The following THRB variants were observed in gnomAD, a reference collection of about 807,000 sequenced individuals.
The protein encoded by THRB is nuclear receptor subfamily 1 group A member 2.
Under a neutral mutation model 47.8 loss-of-function variants are expected in THRB, and 12 were observed. The ratio of observed to expected loss-of-function variants is 0.25; its 90% CI spans 0.16 to 0.41. The LOEUF (loss-of-function observed/expected upper bound fraction) is 0.41, where lower values mean the gene tolerates loss of function less well. Among genes scored for constraint, THRB ranks in the 10% least tolerant of loss-of-function variants. The pLI, the probability that THRB is intolerant of heterozygous loss-of-function variation, is 1.00. For synonymous variants in THRB, 218 were observed against 212.2 expected (o/e 1.03, Z -0.24); for missense variants, 348 against 589.2 (o/e 0.59, Z 4.24).
intron 8 of THRB, among the ~76,000 whole-genome samples, chr3:24,134,197 C>T (rs1421954697): frequency 3.3e-5 from 5 of 152,172 alleles, no homozygotes; most frequent in African/African-American, 9.7e-5. Flanking sequence ...TCTTCTCAGG[C>T]CCCTCTCCAG....
chr3:24,459,044 C>T (rs748787129), intron 1 of THRB: 3 of 152,066 alleles, frequency 2.0e-5, no homozygotes, highest in South Asian at 2.1e-4. Context: ...ATGCCATGGT[C>T]GTTTGCTGCA....
At chr3:24,385,211 G>C (rs148836337) in intron 1 of THRB, among the ~76,000 whole-genome samples, 1 of 152,172 alleles carries the variant, frequency 6.6e-6, no homozygotes, top group African/African-American at 2.4e-5. Context: ...GCAGGAGAAT[G>C]AGAATGTCAT....
At chr3:24,472,540 C>G (rs1177634487) in intron 1 of THRB, among the ~76,000 whole-genome samples, 1 of 151,918 alleles carries the variant, frequency 6.6e-6, no homozygotes, top group Non-Finnish European at 1.5e-5. Flanking sequence ...TCCTCCTACT[C>G]TCTCTGCCAA....
At chr3:24,426,284 G>T (rs1241475534) in intron 1 of THRB, among the ~76,000 whole-genome samples, 2 of 151,810 alleles carry the variant, frequency 1.3e-5, no homozygotes, top group African/African-American at 4.8e-5. Context: ...CCTCACAAAT[G>T]TCACTGGTAG....
At chr3:24,166,709 A>G (rs2039688690) in intron 5 of THRB, among the ~76,000 whole-genome samples, 1 of 152,142 alleles carries the variant, frequency 6.6e-6, no homozygotes, top group Non-Finnish European at 1.5e-5. Flanking sequence ...GCTTGTTTTC[A>G]GGGCTCGGCC....
intron 3 of THRB, among the ~76,000 whole-genome samples, chr3:24,260,478 A>T (rs146789436): frequency 1.3e-5 from 2 of 152,344 alleles, no homozygotes; most frequent in East Asian, 1.9e-4. Context: ...TTGCCTGTAA[A>T]GCTCCTGTTT....
At chr3:24,481,343 T>C (rs1696387998) in intron 1 of THRB, among the ~76,000 whole-genome samples, 1 of 150,800 alleles carries the variant, frequency 6.6e-6, no homozygotes, top group Non-Finnish European at 1.5e-5. Context: ...TGTAAGTGTA[T>C]ATTCTGGTTC....
chr3:24,223,038 A>G (rs1340301539), intron 4 of THRB, among the ~76,000 whole-genome samples: 1 of 152,184 alleles, frequency 6.6e-6, no homozygotes, highest in Non-Finnish European at 1.5e-5. Flanking sequence ...TGGGAAGCGG[A>G]GCCGAGGGTC....
chr3:24,448,255 C>T (rs1309318637), intron 1 of THRB, among the ~76,000 whole-genome samples: 3 of 151,954 alleles, frequency 2.0e-5, no homozygotes, highest in African/African-American at 4.8e-5. Context: ...AAAAAAGACT[C>T]GCATATATGA....
Position 24,127,742 on chromosome 3 carries a change from G to C in THRB, c.901C>G (p.Gln301Glu), listed in dbSNP as rs545421904. 1 of 1,614,198 alleles carries C rather than the reference G, an allele frequency of 6.2e-7. No individual in the cohort carries two copies. Among genetic ancestry groups the C allele is most frequent in the South Asian group, 1.1e-5 (1 of 91,078 alleles). Residue 301 changes from glutamine (Q) to glutamate (E), a missense_variant, in exon 10 of 11, where the codon CAG (glutamine) becomes GAG (glutamate). Around this residue, in one of 5 missense-constraint regions of THRB, gnomAD observed 45 missense variants for 156.2 expected, o/e 0.29. Coordinates refer to ENST00000646209, the MANE Select transcript of THRB (RefSeq NM_001354712.2). ...CAGCAGCCTTTGAGGAGGATGATCTGGTCTTCACATGGCAGCTGAAAAGAA... is the reference window on the plus strand; with the variant it reads ...CAGCAGCCTTTGAGGAGGATGATCTCGTCTTCACATGGCAGCTGAAAAGAA... ...PMFCELPCED[Q>E]IILLKGCCME...
In THRB at chr3:24,133,349, C is replaced by T. The variant is rs753499764; in HGVS notation, c.852G>A (p.Val284=). The change falls in exon 9 of 11, where the codon GTG becomes GTA. Residue 284 remains valine, a synonymous_variant. Transcript: ENST00000646209. The stretch of plus-strand genomic sequence containing the variant: ...ACATAGGCAACTTTTTGGCAAAATC[C>T]ACCACTCTGGTAATTGCTGGTGTGA... The part of the protein sequence containing the change: ...KIITPAITRV[V]DFAKKLPMFC... 3 of 1,613,978 alleles carry T rather than the reference C, an allele frequency of 1.9e-6. No individual in the cohort carries two copies. The highest frequency in any genetic ancestry group is 1.7e-5 in the Admixed American group (1 of 60,012).
At chr3:24,312,095 G>A (rs2057795835) in intron 2 of THRB, among the ~76,000 whole-genome samples, 1 of 152,158 alleles carries the variant, frequency 6.6e-6, no homozygotes, top group Admixed American at 6.5e-5. Context: ...AAGAAAACTT[G>A]AATGCTTGCC....
At chr3:24,348,721 T>C (rs977258998) in intron 1 of THRB, 2 of 152,132 alleles carry the variant, frequency 1.3e-5, no homozygotes, top group Admixed American at 1.3e-4. Flanking sequence ...CTCTCCAATT[T>C]ACAACACACT....
chr3:24,206,695 A>G (rs1221671549), intron 4 of THRB, among the ~76,000 whole-genome samples: 1 of 152,234 alleles, frequency 6.6e-6, no homozygotes, highest in Non-Finnish European at 1.5e-5. Context: ...ACCCTTCAAA[A>G]AATCAATGAA....
At chr3:24,167,609 A>G (rs1219026297) in intron 5 of THRB, among the ~76,000 whole-genome samples, 8 of 152,162 alleles carry the variant, frequency 5.3e-5, no homozygotes, top group African/African-American at 1.9e-4. Flanking sequence ...ACCTTTCAAT[A>G]AAGCAGTTTT....
At position 24,155,932 on chromosome 3, in the gene THRB, T is replaced by C. The variant is rs533029869; in HGVS notation, c.284-3442A>G. Reference sequence around the variant, plus strand: ...GAAAAAATTAAGGTCCATGACAATATATGATAGTTCAAAAATGATATATTT... The same window carrying C: ...GAAAAAATTAAGGTCCATGACAATACATGATAGTTCAAAAATGATATATTT... On this transcript the variant is annotated intron_variant, in intron 5 of 10. Transcript: ENST00000646209. 2.6e-5 allele frequency among the ~76,000 whole-genome samples: 4 copies of C among 152,324 alleles called. No homozygotes were observed. In the East Asian group the frequency reaches 7.7e-4, roughly 29 times the overall value.
In THRB at chr3:24,218,340, C is replaced by CTT. The variant is rs545127528; in HGVS notation, c.22+10597_22+10598insAA. ...AAATTTTTTGTCTCTCTCTCTCTCT[C>CTT]TCTTTTTTTTTTTTTTTTTTTTAAA... On this transcript the variant is annotated intron_variant, in intron 4 of 10. Transcript: ENST00000646209. Among the ~76,000 whole-genome samples, 1,070 of 117,004 alleles carry CTT rather than the reference C, an allele frequency of 9.1e-3. 14 individuals carry two copies. Among genetic ancestry groups the CTT allele is most frequent in the African/African-American group, 0.034 (785 of 23,192 alleles). 76.8% of individuals were successfully genotyped at this position (117,004 alleles called of 152,430 possible).
intron 1 of THRB, among the ~76,000 whole-genome samples, chr3:24,437,661 C>G (rs963519524): frequency 2.0e-5 from 3 of 151,798 alleles, no homozygotes; most frequent in Non-Finnish European, 4.4e-5. Flanking sequence ...TATATATTAA[C>G]AAAAAAGTTT....
At chr3:24,156,985 A>G (rs563165327) in intron 5 of THRB, among the ~76,000 whole-genome samples, 7 of 152,210 alleles carry the variant, frequency 4.6e-5, no homozygotes, top group South Asian at 2.1e-4. Flanking sequence ...TTAATCTTTA[A>G]CCCTGTGATA....
Sources: allele counts gnomAD v4.1 joint callset (sites outside exome capture counted in the v4.1 genomes callset), GRCh38; gene constraint gnomAD v4.1.1; regional missense constraint gnomAD v4.1.1; transcripts MANE v1.5; gene names NCBI Gene and HGNC (gene_info 2026-07-23, HGNC 2026-07-21).